The following SYTL5 variants were observed in gnomAD, a reference collection of about 807,000 sequenced individuals.
SYTL5 encodes synaptotagmin-like protein 5.
SYTL5 carries 34 observed loss-of-function variants against 55.9 expected under a neutral mutation model. The observed-to-expected ratio is 0.61, with a 90% CI of 0.46 to 0.81. The LOEUF (loss-of-function observed/expected upper bound fraction) is 0.81, where lower values mean the gene tolerates loss of function less well. SYTL5 is among the 30% of genes least tolerant of loss of function. The probability of loss-of-function intolerance (pLI) is 0.00; values close to 1 mark genes in which losing one functional copy is unlikely to be tolerated. For missense variants in SYTL5, 637 were observed against 546.7 expected (o/e 1.17, Z -1.65); for synonymous variants, 221 against 188.7 (o/e 1.17, Z -1.40).
At chrX:37,998,855 A>C in the SYTL5 span, among the ~76,000 whole-genome samples, 22 of 112,588 alleles carry the variant, frequency 2.0e-4, no homozygotes, top group African/African-American at 6.8e-4. Flanking sequence ...GCTTCTATAG[A>C]TGAGTTCATT....
chrX:38,122,183 G>T lies in SYTL5; in HGVS notation c.1809G>T (p.Lys603Asn), dbSNP rs914991195. ...AGGCAAAGAATTTGACAGCAGTGAA[G>T]TCAGGAGGCACTTCTGATAGCTTTG... ...IKEAKNLTAV[K>N]SGGTSDSFVK... Residue 603 changes from lysine to asparagine, a missense_variant, in exon 15 of 17, where the codon AAG (lysine) becomes AAT (asparagine). Coordinates refer to ENST00000297875, the MANE Select transcript of SYTL5 (RefSeq NM_138780.3). The T allele has an allele frequency of 7.5e-6, 9 of 1,207,641 alleles. No homozygotes were observed. Among genetic ancestry groups the T allele is most frequent in the Middle Eastern group, 2.3e-4 (1 of 4,372 alleles).
intron 2 of SYTL5, among the ~76,000 whole-genome samples, chrX:38,052,026 T>G (rs1251011590): frequency 5.4e-5 from 6 of 111,952 alleles, no homozygotes; most frequent in South Asian, 7.5e-4. Context: ...ATTTTGGATA[T>G]AATATAATTT....
chrX:37,941,411 G>T, the SYTL5 span, among the ~76,000 whole-genome samples: 1 of 111,674 alleles, frequency 9.0e-6, no homozygotes, highest in Non-Finnish European at 1.9e-5. Flanking sequence ...ATAAAGCCTA[G>T]ATCTTTAACA....
intron 2 of SYTL5, among the ~76,000 whole-genome samples, chrX:38,037,825 G>GATAGATAA (rs1555923819): frequency 4.0e-4 from 32 of 79,944 alleles, no homozygotes; most frequent in South Asian, 8.7e-4. Context: ...TAGATAGATA[G>GATAGATAA]ATAGATAGAT....
At chrX:38,083,143 A>C (rs189316020) in intron 6 of SYTL5, among the ~76,000 whole-genome samples, 2 of 111,643 alleles carry the variant, frequency 1.8e-5, no homozygotes, top group East Asian at 5.6e-4. Flanking sequence ...AATTGACCCA[A>C]GGCTTTTCAT....
Position 38,054,396 on chromosome X carries a change from G to A in SYTL5, c.303G>A (p.Trp101Ter), listed in dbSNP as rs920716673. 8.3e-7 allele frequency: 1 copy of A among 1,209,340 alleles called. No homozygotes were observed. Among genetic ancestry groups the A allele is most frequent in the South Asian group, 1.8e-5 (1 of 56,760 alleles). The change falls in exon 3 of 17, where the codon TGG becomes TGA. Residue 101 changes from tryptophan to a stop codon, truncating the protein, a stop_gained. Coordinates refer to ENST00000297875, the MANE Select transcript of SYTL5 (RefSeq NM_138780.3). LOFTEE classifies it high-confidence loss of function. Reference protein sequence around the residue: ...ECRVAGPNGSWKCTVCDKIAQ... With the variant: ...ECRVAGPNGS Reference sequence around the variant, plus strand: ...GAGTTGCAGGCCCCAATGGCAGCTGGAAGTGCACTGTCTGTGACAAAATCG... The same window carrying A: ...GAGTTGCAGGCCCCAATGGCAGCTGAAAGTGCACTGTCTGTGACAAAATCG...
At chrX:38,108,368 A>G (rs919531737) in intron 11 of SYTL5, among the ~76,000 whole-genome samples, 2 of 111,503 alleles carry the variant, frequency 1.8e-5, no homozygotes, top group African/African-American at 6.5e-5. Flanking sequence ...ATTCAAAACC[A>G]GGTGGCTTGA....
intron 10 of SYTL5, among the ~76,000 whole-genome samples, chrX:38,102,816 C>A (rs1937115594): frequency 1.8e-5 from 2 of 111,924 alleles, no homozygotes; most frequent in Non-Finnish European, 3.8e-5. Flanking sequence ...AACACATGCC[C>A]AATCAGGTCT....
chrX:38,102,944 G>A, intron 10 of SYTL5: 2 of 698,565 alleles, frequency 2.9e-6, no homozygotes, highest in Non-Finnish European at 4.4e-6. Flanking sequence ...ATCTAACTGT[G>A]TGTAAGTCTT....
At chrX:37,922,085 C>T in the SYTL5 span, among the ~76,000 whole-genome samples, 1 of 112,209 alleles carries the variant, frequency 8.9e-6, no homozygotes, top group Non-Finnish European at 1.9e-5. Context: ...CTTTGAAGCA[C>T]ATTAGCTACA....
At chrX:37,939,269 G>GA in the SYTL5 span, among the ~76,000 whole-genome samples, 3 of 99,476 alleles carry the variant, frequency 3.0e-5, no homozygotes, top group Non-Finnish European at 6.2e-5. Flanking sequence ...AAAAAAAAAA[G>GA]AAAAAAAAAG....
the SYTL5 span, among the ~76,000 whole-genome samples, chrX:37,921,250 C>T: frequency 8.9e-6 from 1 of 111,802 alleles, no homozygotes; most frequent in African/African-American, 3.2e-5. Flanking sequence ...CAAACCAAGA[C>T]ATTACGGCTC....
At chrX:38,098,206 A>G (rs372374382) in intron 9 of SYTL5, among the ~76,000 whole-genome samples, 41 of 111,544 alleles carry the variant, frequency 3.7e-4, no homozygotes, top group African/African-American at 1.3e-3. Context: ...AAATTTCATC[A>G]AAATGAAAAA....
the SYTL5 span, among the ~76,000 whole-genome samples, chrX:37,975,726 C>T: frequency 1.8e-5 from 2 of 111,910 alleles, no homozygotes; most frequent in African/African-American, 6.5e-5. Context: ...ACTGAGACTT[C>T]GGACTACGAA....
At chrX:37,978,464 T>A in the SYTL5 span, among the ~76,000 whole-genome samples, 1 of 112,218 alleles carries the variant, frequency 8.9e-6, no homozygotes, top group Non-Finnish European at 1.9e-5. Context: ...CCAGGCTCTG[T>A]CTTTTCCCAG....
At chrX:37,927,762 C>G in the SYTL5 span, among the ~76,000 whole-genome samples, 1 of 110,823 alleles carries the variant, frequency 9.0e-6, no homozygotes, top group Non-Finnish European at 1.9e-5. Flanking sequence ...GGTGACAGAA[C>G]AAGACTCTGT....
intron 1 of SYTL5, among the ~76,000 whole-genome samples, chrX:38,007,436 A>G (rs780709392): frequency 1.3e-4 from 15 of 111,722 alleles, no homozygotes; most frequent in African/African-American, 4.9e-4. Context: ...AACTATTAAT[A>G]TATAACTTCT....
In SYTL5 at chrX:38,019,972, C is replaced by A. The variant is rs1026643552; in HGVS notation, c.-357+13304C>A. On this transcript the variant is annotated intron_variant, in intron 1 of 16. Transcript: ENST00000297875. ...TGACACATGATTCTATACGTGTTTACTGCACGAACATTTATATGCTCTATA... is the reference window on the plus strand; with the variant it reads ...TGACACATGATTCTATACGTGTTTAATGCACGAACATTTATATGCTCTATA... Among the ~76,000 whole-genome samples, 8 of 111,865 alleles carry A rather than the reference C, an allele frequency of 7.2e-5. No homozygotes were observed. In the Admixed American group the frequency reaches 7.6e-4, roughly 11 times the overall value.
the SYTL5 span, among the ~76,000 whole-genome samples, chrX:37,930,263 C>T: frequency 9.0e-6 from 1 of 111,518 alleles, no homozygotes; most frequent in African/African-American, 3.3e-5. Flanking sequence ...TAATAGAACC[C>T]CAGATTTTTA....
Sources: allele counts gnomAD v4.1 joint callset (sites outside exome capture counted in the v4.1 genomes callset), GRCh38; gene constraint gnomAD v4.1.1; transcripts MANE v1.5; gene names NCBI Gene and HGNC (gene_info 2026-07-23, HGNC 2026-07-21).